The following SMAD1 variants were observed in gnomAD, a reference collection of about 807,000 sequenced individuals.
SMAD1 encodes the protein MAD, mothers against decapentaplegic homolog 1.
A neutral mutation model predicts 41.6 loss-of-function variants in SMAD1; 6 were observed. The ratio of observed to expected loss-of-function variants is 0.14; its 90% CI spans 0.08 to 0.28. The LOEUF (loss-of-function observed/expected upper bound fraction) is 0.28. Ranked by LOEUF, SMAD1 falls within the 10% of genes least tolerant of loss-of-function variation. The probability of loss-of-function intolerance (pLI) is 1.00; values close to 1 mark genes in which losing one functional copy is unlikely to be tolerated. For synonymous variants in SMAD1, 206 were observed against 203.2 expected, an observed-to-expected ratio of 1.01 and a Z score of -0.12; for missense variants, 379 against 582.6, an observed-to-expected ratio of 0.65 and a Z score of 3.60.
intron 2 of SMAD1, among the ~76,000 whole-genome samples, chr4:145,529,935 T>C (rs1367568370): frequency 1.3e-5 from 2 of 152,178 alleles, no homozygotes; most frequent in Non-Finnish European, 2.9e-5. Context: ...TAAATAAGTA[T>C]CTAATTCAGG....
At position 145,521,101 on chromosome 4, in the gene SMAD1, C is replaced by G. The variant is rs183777347; in HGVS notation, c.400+6088C>G. Among the ~76,000 whole-genome samples, 140 of 152,264 alleles carry G rather than the reference C, an allele frequency of 9.2e-4. 2 individuals are homozygous for G. Among genetic ancestry groups the G allele is most frequent in the African/African-American group, 3.3e-3 (136 of 41,542 alleles). On this transcript the variant is annotated intron_variant, in intron 2 of 6. Coordinates refer to ENST00000302085, the MANE Select transcript of SMAD1 (RefSeq NM_005900.3). ...TTCGTGGAGCTTCTGAAGACTATGT[C>G]CCTGCTGATGATTTAACAGGTGGAC...
chr4:145,483,126 C>T, intron 1 of SMAD1: 1 of 152,190 alleles, frequency 6.6e-6, no homozygotes, highest in East Asian at 1.9e-4. Context: ...CGCGTTCCTT[C>T]TGAAAATTGA....
intron 2 of SMAD1, among the ~76,000 whole-genome samples, chr4:145,534,093 C>A (rs921169585): frequency 6.6e-6 from 1 of 152,190 alleles, no homozygotes; most frequent in Admixed American, 6.5e-5. Context: ...CATGTGAGTA[C>A]ACCCTGAGGA....
intron 2 of SMAD1, among the ~76,000 whole-genome samples, chr4:145,518,801 G>C (rs1235331900): frequency 1.6e-5 from 2 of 125,678 alleles, no homozygotes; most frequent in East Asian, 2.0e-4. Flanking sequence ...AGAATATTTA[G>C]GTTTAGAGTA....
chr4:145,511,280 A>T (rs1211191032), intron 1 of SMAD1, among the ~76,000 whole-genome samples: 2 of 143,644 alleles, frequency 1.4e-5, no homozygotes, highest in African/African-American at 6.0e-5. Flanking sequence ...CATTTTTAAA[A>T]TTTTTATTTG....
At chr4:145,500,214 C>T (rs987663889) in intron 1 of SMAD1, among the ~76,000 whole-genome samples, 1 of 152,156 alleles carries the variant, frequency 6.6e-6, no homozygotes, top group Non-Finnish European at 1.5e-5. Flanking sequence ...AGTATGTTCT[C>T]AACCCAGCAA....
At chr4:145,510,743 A>G (rs1383768049) in intron 1 of SMAD1, among the ~76,000 whole-genome samples, 2 of 152,104 alleles carry the variant, frequency 1.3e-5, no homozygotes, top group East Asian at 3.8e-4. Flanking sequence ...AAGTTTTTAA[A>G]CAATTTTTTT....
At chr4:145,488,284 T>A (rs919411794) in intron 1 of SMAD1, among the ~76,000 whole-genome samples, 10 of 152,152 alleles carry the variant, frequency 6.6e-5, no homozygotes, top group African/African-American at 2.4e-4. Context: ...CACTAGGTCC[T>A]GTTTGGGAAG....
rs991923167 is a variant in SMAD1 at position 145,558,471 on chromosome 4, A to C, written c.*537A>C. Among the ~76,000 whole-genome samples the C allele has an allele frequency of 5.9e-5, 9 of 152,214 alleles. No homozygotes were observed. Among genetic ancestry groups the C allele is most frequent in the African/African-American group, 2.2e-4 (9 of 41,450 alleles). ...TGATGATATACATAATAATCTTTCTAAAATTGTATGCTGACCATACTTGCT... is the reference window on the plus strand; with the variant it reads ...TGATGATATACATAATAATCTTTCTCAAATTGTATGCTGACCATACTTGCT... On this transcript the variant is annotated 3_prime_UTR_variant, in exon 7 of 7. Transcript: ENST00000302085.
At chr4:145,539,681 G>GGCA in intron 2 of SMAD1, 123 bp from the exon 3 acceptor site, 1 of 910,072 alleles carries the variant, frequency 1.1e-6, no homozygotes, top group Admixed American at 2.6e-5. Context: ...CTTTTGAGTT[G>GGCA]GCAGCAGGAC....
intron 1 of SMAD1, among the ~76,000 whole-genome samples, chr4:145,502,436 T>G (rs1462281792): frequency 6.6e-6 from 1 of 152,180 alleles, no homozygotes; most frequent in Non-Finnish European, 1.5e-5. Flanking sequence ...AAGAAAACTT[T>G]CAATTGCCTT....
In SMAD1 at chr4:145,553,671, A is replaced by T. The variant is rs575701048; in HGVS notation, c.998-113A>T. 5.2e-5 allele frequency: 51 copies of T among 982,228 alleles called. No homozygotes were observed. The East Asian group carries it at 1.2e-3, about 23-fold the overall frequency. 60.8% of individuals were successfully genotyped at this position (982,228 alleles called of 1,614,324 possible). On this transcript the variant is annotated intron_variant, in intron 5 of 6. Transcript: ENST00000302085. ...ACAGGACCTAGAGAATAGCTAGCTA[A>T]CTAGCCAAAGTTTAAATCCATGTAT... is the stretch of plus-strand genomic sequence containing the variant.
Position 145,539,889 on chromosome 4 carries a change from T to C in SMAD1, c.486T>C (p.Asn162=). 1.9e-6 allele frequency: 3 copies of C among 1,614,048 alleles called. No individual in the cohort carries two copies. Among genetic ancestry groups the C allele is most frequent in the Non-Finnish European group, 2.5e-6 (3 of 1,180,004 alleles). The part of the protein sequence containing the change: ...LLAQFRNLGQ[N]EPHMPLNATF... ...CTCAGTTCCGTAACTTAGGACAAAA[T>C]GAGCCTCACATGCCACTCAACGCCA... The change falls in exon 3 of 7, where the codon AAT becomes AAC. Residue 162 remains asparagine (N), a synonymous_variant. Transcript: ENST00000302085.
At chr4:145,522,256 G>A (rs1036866654) in intron 2 of SMAD1, among the ~76,000 whole-genome samples, 26 of 151,914 alleles carry the variant, frequency 1.7e-4, no homozygotes, top group African/African-American at 5.6e-4. Flanking sequence ...CCGGGATCGC[G>A]CCACTGCACT....
In SMAD1 at chr4:145,482,355, GGGCCCCCGAGCCTC is replaced by G. The variant is rs1048160737; in HGVS notation, c.-177+321_-177+334del. 2.0e-5 allele frequency: 3 copies of G among 151,906 alleles called. No individual in the cohort carries two copies. The highest frequency in any genetic ancestry group is 7.3e-5 in the African/African-American group (3 of 41,306). 9.4% of individuals were successfully genotyped at this position (151,906 alleles called of 1,614,324 possible). ...TTCTGCTGTGGGAAGCCCAGTTCCC[GGGCCCCCGAGCCTC>G]GGCTCCCGGGCCTGACCGCGCTGGG... On this transcript the variant is annotated intron_variant, in intron 1 of 6. Coordinates refer to ENST00000302085, the MANE Select transcript of SMAD1 (RefSeq NM_005900.3). This position sits in a 1 kb window ranked among gnomAD's most constrained non-coding sequence, Gnocchi z 4.2.
At chr4:145,507,424 A>G (rs1034828745) in intron 1 of SMAD1, among the ~76,000 whole-genome samples, 1 of 152,072 alleles carries the variant, frequency 6.6e-6, no homozygotes, top group African/African-American at 2.4e-5. Context: ...CTTTATGAAC[A>G]TAATTTTTAA....
chr4:145,498,774 T>A (rs1454574381), intron 1 of SMAD1, among the ~76,000 whole-genome samples: 2 of 152,254 alleles, frequency 1.3e-5, no homozygotes, highest in Non-Finnish European at 2.9e-5. Context: ...CATGGTAGTA[T>A]TGTACATGAA....
chr4:145,547,930 C>T (rs1732338415), intron 5 of SMAD1, among the ~76,000 whole-genome samples: 1 of 152,132 alleles, frequency 6.6e-6, no homozygotes, highest in Non-Finnish European at 1.5e-5. Flanking sequence ...GCATACATAC[C>T]CAGTAGCAAT....
At chr4:145,502,841 T>G (rs867265272) in intron 1 of SMAD1, 1 of 152,312 alleles carries the variant, frequency 6.6e-6, no homozygotes, top group Middle Eastern at 3.4e-3. Context: ...TACATGGTAT[T>G]CCTTTTCTTT....
Sources: gnomAD v4.1 joint callset for allele counts (sites outside exome capture counted in the v4.1 genomes callset) on GRCh38, gnomAD v4.1.1 for gene constraint, Gnocchi (gnomAD v3.1) non-coding constraint, MANE v1.5 for transcripts, NCBI Gene and HGNC (gene_info 2026-07-23, HGNC 2026-07-21) for gene names.